CDYL2: variants seen among roughly 807,000 people sequenced by gnomAD.
The protein encoded by CDYL2 is chromodomain Y-like protein 2.
Under a neutral mutation model 49.4 loss-of-function variants are expected in CDYL2, and 23 were observed. The observed-to-expected ratio is 0.47, with a 90% CI of 0.34 to 0.66. The LOEUF (loss-of-function observed/expected upper bound fraction) is 0.66, where lower values mean the gene tolerates loss of function less well. CDYL2 is among the 30% of genes least tolerant of loss of function. CDYL2 has a pLI of 0.01. For synonymous variants in CDYL2, 360 were observed against 268.8 expected (o/e 1.34, Z -3.32); for missense variants, 678 against 656.4 (o/e 1.03, Z -0.36).
chr16:80,765,255 T>C (rs1906680647), intron 1 of CDYL2, among the ~76,000 whole-genome samples: 1 of 150,756 alleles, frequency 6.6e-6, no homozygotes, highest in Non-Finnish European at 1.5e-5. Flanking sequence ...CGAGTATCCA[T>C]GCTTGTCCAT....
chr16:80,773,478 A>G (rs1906975410), intron 1 of CDYL2, among the ~76,000 whole-genome samples: 1 of 152,172 alleles, frequency 6.6e-6, no homozygotes, highest in Non-Finnish European at 1.5e-5. Flanking sequence ...TATAAAATAT[A>G]TAATCTTGAC....
intron 1 of CDYL2, among the ~76,000 whole-genome samples, chr16:80,752,646 A>C (rs942625181): frequency 2.6e-5 from 4 of 152,218 alleles, no homozygotes; most frequent in Non-Finnish European, 5.9e-5. Flanking sequence ...GCCCTATGGA[A>C]ATATCCTTAT....
chr16:80,698,824 T>C (rs913013360), intron 1 of CDYL2, among the ~76,000 whole-genome samples: 1 of 152,114 alleles, frequency 6.6e-6, no homozygotes, highest in Non-Finnish European at 1.5e-5. Flanking sequence ...TGCAGAACCA[T>C]CAACCAATTA....
intron 2 of CDYL2, among the ~76,000 whole-genome samples, chr16:80,668,975 T>C (rs1909386249): frequency 6.6e-6 from 1 of 151,770 alleles, no homozygotes; most frequent in Non-Finnish European, 1.5e-5. Flanking sequence ...TTTTTACAAC[T>C]CACCTATTTG....
At chr16:80,666,711 A>G (rs997620137) in intron 2 of CDYL2, among the ~76,000 whole-genome samples, 1 of 152,178 alleles carries the variant, frequency 6.6e-6, no homozygotes, top group Admixed American at 6.5e-5. Context: ...GGACAACTCA[A>G]GGAGAGAAGG....
chr16:80,638,845 T>C lies in CDYL2; in HGVS notation c.617-5609A>G, dbSNP rs186734004. 1.5e-3 allele frequency among the ~76,000 whole-genome samples: 226 copies of C among 152,250 alleles called. 1 individual carries two copies. The highest frequency in any genetic ancestry group is 2.6e-3 in the African/African-American group (108 of 41,556). ...ACAAAAATTAACTCAATATGAATCA[T>C]AGACCTAAATGTAAAATGCAAATTA... is the stretch of plus-strand genomic sequence containing the variant. On this transcript the variant is annotated intron_variant, in intron 2 of 6. Transcript: ENST00000570137.
intron 2 of CDYL2, among the ~76,000 whole-genome samples, chr16:80,668,489 GTACA>G (rs1173159905): frequency 4.6e-5 from 7 of 150,760 alleles, no homozygotes; most frequent in Non-Finnish European, 1.0e-4. Flanking sequence ...ATGTAATAAA[GTACA>G]TAGATTTAAT....
intron 1 of CDYL2, among the ~76,000 whole-genome samples, chr16:80,792,330 T>A (rs1907635525): frequency 6.6e-6 from 1 of 151,980 alleles, no homozygotes; most frequent in Non-Finnish European, 1.5e-5. Context: ...CAGCAGGAGA[T>A]GAGGACACAA....
intron 3 of CDYL2, among the ~76,000 whole-genome samples, chr16:80,629,128 G>T (rs554542796): frequency 6.6e-6 from 1 of 152,180 alleles, no homozygotes; most frequent in African/African-American, 2.4e-5. Context: ...CTGACTGTCA[G>T]CCAGGGTAAT....
rs147914173 is a variant in CDYL2, at chr16:80,620,820, A to G, written c.950T>C (p.Ile317Thr). Residue 317 changes from isoleucine to threonine, a missense_variant, in exon 4 of 7, where the codon ATT (isoleucine) becomes ACT (threonine). Ile to Thr is a moderately conservative substitution (Grantham distance 89, BLOSUM62 -1). Around this residue, in one of 3 missense-constraint regions of CDYL2, gnomAD observed 478 missense variants for 427.0 expected, o/e 1.12. Coordinates refer to ENST00000570137, the MANE Select transcript of CDYL2 (RefSeq NM_152342.4). Reference protein sequence around the residue: ...FCSGLDYSYLIGRLSSDRRKE... With the variant: ...FCSGLDYSYLTGRLSSDRRKE... ...TCGCCGGTCGCTGGACAACCGGCCA[A>G]TTAGGTAGGAATAATCCAGGCCGCT... The G allele has an allele frequency of 6.2e-7, 1 of 1,612,382 alleles. No individual in the cohort carries two copies. The highest frequency in any genetic ancestry group is 8.5e-7 in the Non-Finnish European group (1 of 1,178,816).
intron 1 of CDYL2, among the ~76,000 whole-genome samples, chr16:80,712,644 G>A (rs1382584545): frequency 1.3e-5 from 2 of 152,058 alleles, no homozygotes; most frequent in South Asian, 4.1e-4. Flanking sequence ...TGCTTGGAAA[G>A]GAAAACCAAA....
chr16:80,721,441 A>G (rs1904995169), intron 1 of CDYL2, among the ~76,000 whole-genome samples: 1 of 152,166 alleles, frequency 6.6e-6, no homozygotes, highest in Non-Finnish European at 1.5e-5. Context: ...GGGCAGCAAA[A>G]TAGTATCAGA....
chr16:80,687,766 T>C (rs55951904), intron 1 of CDYL2, among the ~76,000 whole-genome samples: 89,498 of 152,030 alleles, frequency 0.59, 26,711 homozygotes, highest in Middle Eastern at 0.73. Flanking sequence ...GAGCAAGTTA[T>C]TAAACCTCTT....
intron 1 of CDYL2, among the ~76,000 whole-genome samples, chr16:80,708,051 CT>C (rs1380710246): frequency 6.6e-6 from 1 of 152,182 alleles, no homozygotes; most frequent in East Asian, 1.9e-4. Context: ...AGATGATGCC[CT>C]TTCCCCCTTC....
At chr16:80,655,524 A>G (rs1908767969) in intron 2 of CDYL2, among the ~76,000 whole-genome samples, 1 of 152,174 alleles carries the variant, frequency 6.6e-6, no homozygotes, top group Non-Finnish European at 1.5e-5. Context: ...GTGTTCGTGA[A>G]CCCAAATCTC....
intron 2 of CDYL2, among the ~76,000 whole-genome samples, chr16:80,674,127 G>C (rs895471535): frequency 6.6e-6 from 1 of 152,176 alleles, no homozygotes; most frequent in Non-Finnish European, 1.5e-5. Flanking sequence ...CAGCCATAGG[G>C]AACTAATACA....
At chr16:80,766,556 T>C (rs758488124) in intron 1 of CDYL2, among the ~76,000 whole-genome samples, 63 of 152,196 alleles carry the variant, frequency 4.1e-4, no homozygotes, top group Non-Finnish European at 7.6e-4. Flanking sequence ...AAGTTTTTTA[T>C]AATAACCCAA....
intron 2 of CDYL2, among the ~76,000 whole-genome samples, chr16:80,653,284 G>A (rs1908664860): frequency 6.6e-6 from 1 of 152,144 alleles, no homozygotes; most frequent in Admixed American, 6.5e-5. Context: ...TGATCAACAT[G>A]GAGATATTCT....
intron 6 of CDYL2, among the ~76,000 whole-genome samples, chr16:80,607,491 C>T (rs559898700): frequency 2.0e-5 from 3 of 152,308 alleles, no homozygotes; most frequent in East Asian, 1.9e-4. Context: ...GCCCTGGGGC[C>T]GCAGGAGTGG....
Sources: gnomAD v4.1 joint callset for allele counts (sites outside exome capture counted in the v4.1 genomes callset) on GRCh38, gnomAD v4.1.1 for gene constraint, gnomAD v4.1.1 regional missense constraint, MANE v1.5 for transcripts, NCBI Gene and HGNC (gene_info 2026-07-23, HGNC 2026-07-21) for gene names.